The following SIPA1L2 variants were observed in gnomAD, a reference collection of about 807,000 sequenced individuals.
The protein encoded by SIPA1L2 is signal-induced proliferation-associated 1-like protein 2.
In SIPA1L2, 56 loss-of-function variants were observed where a neutral mutation model predicts 163.9. The ratio of observed to expected loss-of-function variants is 0.34; its 90% CI spans 0.28 to 0.43. SIPA1L2 has a LOEUF of 0.43. Ranked by LOEUF, SIPA1L2 falls within the 20% of genes least tolerant of loss-of-function variation. SIPA1L2 has a pLI of 1.00. For missense variants in SIPA1L2, 1,974 were observed against 2,193.5 expected, an observed-to-expected ratio of 0.90 and a Z score of 2.00; for synonymous variants, 877 against 865.7, an observed-to-expected ratio of 1.01 and a Z score of -0.23.
intron 5 of SIPA1L2, among the ~76,000 whole-genome samples, chr1:232,489,044 G>A (rs1322830152): frequency 6.6e-6 from 1 of 152,218 alleles, no homozygotes; most frequent in Non-Finnish European, 1.5e-5. Flanking sequence ...GGCAGTGGCA[G>A]AGCCCTGAGG....
intron 2 of SIPA1L2, among the ~76,000 whole-genome samples, chr1:232,569,672 G>A (rs2102770483): frequency 6.6e-6 from 1 of 152,290 alleles, no homozygotes; most frequent in Admixed American, 6.5e-5. Context: ...AATTAGCTGG[G>A]CGTGGTGGCG....
chr1:232,509,048 C>T (rs139742577), intron 3 of SIPA1L2, among the ~76,000 whole-genome samples: 2,667 of 152,302 alleles, frequency 0.018, 76 homozygotes, highest in South Asian at 0.08. Context: ...GCCAAGATTG[C>T]GCCACTGCAC....
chr1:232,593,187 T>C (rs1201027383), intron 1 of SIPA1L2, among the ~76,000 whole-genome samples: 1 of 152,194 alleles, frequency 6.6e-6, no homozygotes, highest in East Asian at 1.9e-4. Flanking sequence ...CAATAATATA[T>C]ATTTTTCTAA....
chr1:232,484,032 TA>T, intron 5 of SIPA1L2, 66 bp from the exon 6 acceptor site: 1 of 1,444,092 alleles, frequency 6.9e-7, no homozygotes, highest in Admixed American at 2.2e-5. Context: ...CCAGTAAAAT[TA>T]AAACTACAGA....
chr1:232,586,157 A>T (rs1427860806), intron 1 of SIPA1L2, among the ~76,000 whole-genome samples: 2 of 152,172 alleles, frequency 1.3e-5, no homozygotes, highest in Non-Finnish European at 2.9e-5. Flanking sequence ...GTCTCCGCAC[A>T]GCGATACAGT....
chr1:232,504,888 C>T (rs1666656811), intron 3 of SIPA1L2, among the ~76,000 whole-genome samples: 1 of 152,170 alleles, frequency 6.6e-6, no homozygotes, highest in Admixed American at 6.6e-5. Flanking sequence ...AGGATGCAAA[C>T]CCAGACAGTC....
chr1:232,610,168 T>G (rs1662167719), intron 1 of SIPA1L2, among the ~76,000 whole-genome samples: 1 of 152,246 alleles, frequency 6.6e-6, no homozygotes, highest in Non-Finnish European at 1.5e-5. Flanking sequence ...ATTGAGGTTT[T>G]AAAATGTTGT....
chr1:232,517,706 C>T (rs545937920), intron 2 of SIPA1L2, among the ~76,000 whole-genome samples: 10 of 152,264 alleles, frequency 6.6e-5, no homozygotes, highest in African/African-American at 2.2e-4. Context: ...ATTTATTACA[C>T]ATATCTTGTG....
At chr1:232,429,995 T>TA (rs1033579449) in intron 16 of SIPA1L2, among the ~76,000 whole-genome samples, 1 of 152,186 alleles carries the variant, frequency 6.6e-6, no homozygotes, top group African/African-American at 2.4e-5. Flanking sequence ...TATGTGTTTA[T>TA]AAAAAAACAC....
At chr1:232,581,623 A>G (rs1660380730) in intron 1 of SIPA1L2, among the ~76,000 whole-genome samples, 1 of 152,340 alleles carries the variant, frequency 6.6e-6, no homozygotes, top group South Asian at 2.1e-4. Context: ...ACACAGACAC[A>G]TCTGTTCAAA....
intron 2 of SIPA1L2, among the ~76,000 whole-genome samples, chr1:232,531,193 G>A (rs938779003): frequency 6.6e-6 from 1 of 152,064 alleles, no homozygotes. Flanking sequence ...GCCTCTAAAT[G>A]CAGCATTTAA....
chr1:232,572,596 C>T (rs1352490003), intron 2 of SIPA1L2, among the ~76,000 whole-genome samples: 2 of 151,036 alleles, frequency 1.3e-5, no homozygotes, highest in Admixed American at 6.6e-5. Flanking sequence ...ATAAGAAACT[C>T]GTAGTGGATA....
At chr1:232,586,331 C>T (rs1193628753) in intron 1 of SIPA1L2, among the ~76,000 whole-genome samples, 1 of 152,170 alleles carries the variant, frequency 6.6e-6, no homozygotes, top group Non-Finnish European at 1.5e-5. Context: ...GTGTCCACTA[C>T]AATGTATTTA....
intron 7 of SIPA1L2, among the ~76,000 whole-genome samples, chr1:232,474,757 A>C (rs1664956384): frequency 6.6e-6 from 1 of 152,208 alleles, no homozygotes; most frequent in South Asian, 2.1e-4. Context: ...TCAGTAAAAA[A>C]AAAAATTTTA....
chr1:232,609,707 G>A (rs2102871829), intron 1 of SIPA1L2, among the ~76,000 whole-genome samples: 1 of 151,986 alleles, frequency 6.6e-6, no homozygotes, highest in South Asian at 2.1e-4. Flanking sequence ...GTGGGTGCCT[G>A]TAATCCCAGC....
At chr1:232,580,873 G>A (rs1660336854) in intron 1 of SIPA1L2, among the ~76,000 whole-genome samples, 3 of 152,096 alleles carry the variant, frequency 2.0e-5, no homozygotes, top group Admixed American at 2.0e-4. Context: ...GTATATTTCA[G>A]GATAAAATAC....
At chr1:232,557,185 T>G (rs552626494) in intron 2 of SIPA1L2, among the ~76,000 whole-genome samples, 6 of 152,268 alleles carry the variant, frequency 3.9e-5, no homozygotes, top group Admixed American at 2.6e-4. Context: ...CTATCACAAA[T>G]TCAGCAGGCG....
At chr1:232,428,370 TTAGTG>T in intron 17 of SIPA1L2, 36 bp downstream of exon 17, 2 of 1,344,038 alleles carry the variant, frequency 1.5e-6, no homozygotes, top group Non-Finnish European at 9.7e-7. Context: ...TTTTTTTTTT[TTAGTG>T]TTTCTGGTAA....
At chr1:232,512,611 A>G (rs567052443) in intron 3 of SIPA1L2, among the ~76,000 whole-genome samples, 25 of 152,240 alleles carry the variant, frequency 1.6e-4, no homozygotes, top group Non-Finnish European at 3.2e-4. Context: ...CAGCAAACTA[A>G]CACAGGAACA....
Sources: gnomAD v4.1 joint callset for allele counts (sites outside exome capture counted in the v4.1 genomes callset) on GRCh38, gnomAD v4.1.1 for gene constraint, MANE v1.5 for transcripts, NCBI Gene and HGNC (gene_info 2026-07-23, HGNC 2026-07-21) for gene names.